Variants in EBF2 observed in about 807,000 individuals in gnomAD.
EBF2 encodes the protein EBF transcription factor 2, also known as transcription factor COE2.
In EBF2, 21 loss-of-function variants were observed where a neutral mutation model predicts 72.8. The observed-to-expected ratio is 0.29, with a 90% confidence interval of 0.20 to 0.42. The LOEUF (loss-of-function observed/expected upper bound fraction) is 0.42. EBF2 is among the 10% of genes least tolerant of loss of function. The probability of loss-of-function intolerance (pLI) is 1.00; values close to 1 mark genes in which losing one functional copy is unlikely to be tolerated. For missense variants in EBF2, 637 were observed against 731.2 expected (o/e 0.87, Z 1.49); for synonymous variants, 299 against 274.2 (o/e 1.09, Z -0.89).
At chr8:25,864,558 A>G (rs1311393467) in intron 10 of EBF2, among the ~76,000 whole-genome samples, 3 of 152,094 alleles carry the variant, frequency 2.0e-5, no homozygotes, top group Non-Finnish European at 2.9e-5. Flanking sequence ...GTATACATAT[A>G]TGAATGTTTA....
chr8:25,894,332 T>C (rs1224357113), intron 7 of EBF2, among the ~76,000 whole-genome samples: 2 of 152,250 alleles, frequency 1.3e-5, no homozygotes, highest in Non-Finnish European at 2.9e-5. Flanking sequence ...GTGACAACAC[T>C]GATATTCGTC....
intron 6 of EBF2, among the ~76,000 whole-genome samples, chr8:26,029,862 C>G (rs759461908): frequency 6.6e-6 from 1 of 152,188 alleles, no homozygotes; most frequent in Non-Finnish European, 1.5e-5. Flanking sequence ...CCCTGGATAC[C>G]GTAAGCACCA....
intron 6 of EBF2, among the ~76,000 whole-genome samples, chr8:26,007,147 TG>T (rs1003582591): frequency 2.0e-5 from 3 of 152,220 alleles, no homozygotes; most frequent in Non-Finnish European, 2.9e-5. Context: ...GGAGCCATGT[TG>T]CTTCAGTGAA....
chr8:25,983,787 C>T (rs941590589), intron 6 of EBF2, among the ~76,000 whole-genome samples: 2 of 152,268 alleles, frequency 1.3e-5, no homozygotes, highest in African/African-American at 4.8e-5. Flanking sequence ...GATCAGCTGA[C>T]ACCCGAGTGC....
chr8:25,956,711 C>A (rs1803954468), intron 6 of EBF2, among the ~76,000 whole-genome samples: 1 of 152,200 alleles, frequency 6.6e-6, no homozygotes, highest in Non-Finnish European at 1.5e-5. Context: ...AGTAGATGGA[C>A]AGGGACAGGG....
chr8:25,923,584 T>C (rs569617162), intron 6 of EBF2, among the ~76,000 whole-genome samples: 3 of 152,342 alleles, frequency 2.0e-5, no homozygotes, highest in South Asian at 2.1e-4. Context: ...AGTTTTGTTT[T>C]TTTTGTTGTT....
At chr8:25,997,318 C>A (rs925827837) in intron 6 of EBF2, among the ~76,000 whole-genome samples, 8 of 152,168 alleles carry the variant, frequency 5.3e-5, no homozygotes, top group African/African-American at 1.7e-4. Context: ...CACTTGTAAT[C>A]CTAGCACTTT....
chr8:26,034,093 A>G lies in EBF2; in HGVS notation c.483-940T>C, dbSNP rs573288992. Among the ~76,000 whole-genome samples, 3 of 152,348 alleles carry G rather than the reference A, an allele frequency of 2.0e-5. No individual in the cohort carries two copies. In the South Asian group the frequency reaches 6.2e-4, roughly 32 times the overall value. ...CGAGAGGAAGGAAAATATGTAAAAT[A>G]GACTGCAAGTGGCTGCCAGGATTAC... On this transcript the variant is annotated intron_variant, in intron 5 of 15. Transcript: ENST00000520164.
intron 1 of EBF2, among the ~76,000 whole-genome samples, chr8:26,043,877 G>T (rs188401865): frequency 2.6e-5 from 4 of 152,236 alleles, no homozygotes; most frequent in Non-Finnish European, 4.4e-5. Context: ...GAGAGAGTGG[G>T]ACCGTAATGT....
rs186136967 is a variant in EBF2 at position 25,849,374 on chromosome 8, G to A, written c.1696+1220C>T. On this transcript the variant is annotated intron_variant, in intron 15 of 15. Coordinates refer to ENST00000520164, the MANE Select transcript of EBF2 (RefSeq NM_022659.4). Reference sequence around the variant, plus strand: ...ACAAGAGGAGACTGACCTCTCACACGTGTCCCAAAAGAATTAAGAACCCAC... The same window carrying A: ...ACAAGAGGAGACTGACCTCTCACACATGTCCCAAAAGAATTAAGAACCCAC... Among the ~76,000 whole-genome samples, 7 of 152,268 alleles carry A rather than the reference G, an allele frequency of 4.6e-5. No individual in the cohort carries two copies. In the East Asian group the frequency reaches 5.8e-4, roughly 13 times the overall value.
chr8:26,006,861 C>A (rs1804891089), intron 6 of EBF2, among the ~76,000 whole-genome samples: 2 of 152,194 alleles, frequency 1.3e-5, no homozygotes, highest in Admixed American at 1.3e-4. Context: ...CAGCAGGACC[C>A]ACTTGATTCA....
At chr8:25,874,678 A>T (rs1396438870) in intron 10 of EBF2, among the ~76,000 whole-genome samples, 2 of 151,550 alleles carry the variant, frequency 1.3e-5, no homozygotes, top group East Asian at 1.9e-4. Context: ...GGGTTCTTTT[A>T]AAAAATTATT....
At chr8:26,027,851 C>T (rs1268867386) in intron 6 of EBF2, among the ~76,000 whole-genome samples, 1 of 152,030 alleles carries the variant, frequency 6.6e-6, no homozygotes, top group East Asian at 1.9e-4. Context: ...GTGAAATAAG[C>T]CAGAAACAAA....
chr8:25,970,239 C>T (rs970945561), intron 6 of EBF2, among the ~76,000 whole-genome samples: 3 of 152,166 alleles, frequency 2.0e-5, no homozygotes, highest in Non-Finnish European at 4.4e-5. Context: ...AGATTGCTTG[C>T]TGACATCCCC....
chr8:25,919,793 TCTC>T (rs1357485192), intron 6 of EBF2, among the ~76,000 whole-genome samples: 1 of 152,162 alleles, frequency 6.6e-6, no homozygotes, highest in Non-Finnish European at 1.5e-5. Context: ...TGCCTTCTCT[TCTC>T]CTTATCTGGA....
chr8:25,873,858 A>AGCCGAGT (rs1412364903), intron 10 of EBF2, among the ~76,000 whole-genome samples: 1 of 152,210 alleles, frequency 6.6e-6, no homozygotes, highest in African/African-American at 2.4e-5. Context: ...AGAATATTAT[A>AGCCGAGT]GCCGAGTGTG....
chr8:25,909,114 TAAG>T (rs1376360009), intron 6 of EBF2, among the ~76,000 whole-genome samples: 1 of 152,206 alleles, frequency 6.6e-6, no homozygotes, highest in Non-Finnish European at 1.5e-5. Flanking sequence ...TTATGATTAA[TAAG>T]AAGTGTGAAT....
Position 25,900,227 on chromosome 8 carries a change from G to A in EBF2, c.633+8247C>T, listed in dbSNP as rs1049306936. Among the ~76,000 whole-genome samples, 5 of 152,286 alleles carry A rather than the reference G, an allele frequency of 3.3e-5. No homozygotes were observed. The East Asian group carries it at 5.8e-4, about 18-fold the overall frequency. On this transcript the variant is annotated intron_variant, in intron 7 of 15. Coordinates refer to ENST00000520164, the MANE Select transcript of EBF2 (RefSeq NM_022659.4). ...TCCCAACAATTTGCGAAGCCAAGGC[G>A]AGTGAATCACTTGAGCCCAGGGGTT... is the stretch of plus-strand genomic sequence containing the variant.
rs182514015 is a variant in EBF2 at position 25,853,620 on chromosome 8, C to G, written c.1529-2859G>C. 2.7e-3 allele frequency among the ~76,000 whole-genome samples: 410 copies of G among 152,116 alleles called. 3 individuals are homozygous for G. The highest frequency in any genetic ancestry group is 2.5e-3 in the Non-Finnish European group (171 of 67,952). Reference sequence around the variant, plus strand: ...ATTTTAAAATGTGTACATCCCTTGACCCACTAATTCAATCTCTAGAAATTA... The same window carrying G: ...ATTTTAAAATGTGTACATCCCTTGAGCCACTAATTCAATCTCTAGAAATTA... On this transcript the variant is annotated intron_variant, in intron 14 of 15. Coordinates refer to ENST00000520164, the MANE Select transcript of EBF2 (RefSeq NM_022659.4).
Sources: allele counts gnomAD v4.1 joint callset (sites outside exome capture counted in the v4.1 genomes callset), GRCh38; gene constraint gnomAD v4.1.1; transcripts MANE v1.5; gene names NCBI Gene and HGNC (gene_info 2026-07-23, HGNC 2026-07-21).